Variants in CSMD1 observed in about 807,000 individuals in gnomAD.
CSMD1 encodes the protein CUB and Sushi multiple domains 1.
CSMD1 carries 213 observed loss-of-function variants against 417.5 expected under a neutral mutation model. The observed-to-expected ratio is 0.51, with a 90% confidence interval of 0.46 to 0.57. The LOEUF (loss-of-function observed/expected upper bound fraction) is 0.57. Among genes scored for constraint, CSMD1 ranks in the 20% least tolerant of loss-of-function variants. CSMD1 has a pLI of 0.00. For missense variants in CSMD1, 6,923 were observed against 4,529.7 expected (o/e 1.53, Z -15.17); for synonymous variants, 2,862 against 1,736.8 (o/e 1.65, Z -16.11).
rs1450886437 is a variant in CSMD1 at position 3,795,946 on chromosome 8, TCTATCATGTACAGATATAG to T, written c.819-41923_819-41905del. The stretch of plus-strand genomic sequence containing the variant: ...TATCTATCATGTACAGATATAGATA[TCTATCATGTACAGATATAG>T]ATATCTATCATGTACAGATATAGAT... On this transcript the variant is annotated intron_variant, in intron 5 of 69. Transcript: ENST00000635120. Among the ~76,000 whole-genome samples, 210 of 46,360 alleles carry T rather than the reference TCTATCATGTACAGATATAG, an allele frequency of 4.5e-3. 36 individuals carry two copies. Among genetic ancestry groups the T allele is most frequent in the African/African-American group, 0.012 (118 of 10,256 alleles). 30.4% of individuals were successfully genotyped at this position (46,360 alleles called of 152,430 possible).
intron 5 of CSMD1, among the ~76,000 whole-genome samples, chr8:3,910,803 G>A (rs1808409060): frequency 6.6e-6 from 1 of 152,096 alleles, no homozygotes. Flanking sequence ...AATATAACTT[G>A]TTATTGGAGA....
chr8:3,406,005 C>CG (rs942859775), intron 15 of CSMD1, 22 bp downstream of exon 15: 2 of 1,606,202 alleles, frequency 1.2e-6, no homozygotes, highest in Non-Finnish European at 1.7e-6. Context: ...AGGAGAAGAG[C>CG]GGGGGGTGGC....
chr8:3,271,395 A>G (rs1193443437), intron 26 of CSMD1, among the ~76,000 whole-genome samples: 8 of 152,028 alleles, frequency 5.3e-5, no homozygotes, highest in Non-Finnish European at 8.8e-5. Context: ...ACATACGTGT[A>G]CATGTGTCTT....
rs571720772 is a variant in CSMD1, at chr8:4,553,602, C to T, written c.302+83740G>A. On this transcript the variant is annotated intron_variant, in intron 2 of 69. Coordinates refer to ENST00000635120, the MANE Select transcript of CSMD1 (RefSeq NM_033225.6). ...CTAAATTAGATTATTTTTGATCTAG[C>T]ACTTTAGAAACCAGCTTAGCTCTAC... 7.2e-5 allele frequency among the ~76,000 whole-genome samples: 11 copies of T among 152,188 alleles called. No homozygotes were observed. The East Asian group carries it at 1.7e-3, about 24-fold the overall frequency.
chr8:4,791,391 T>A (rs1428360832), intron 1 of CSMD1, among the ~76,000 whole-genome samples: 1 of 152,184 alleles, frequency 6.6e-6, no homozygotes, highest in Admixed American at 6.6e-5. Context: ...TTCAGCCCTT[T>A]GACTCCCTGA....
chr8:3,631,984 C>G (rs1394122673), intron 7 of CSMD1, among the ~76,000 whole-genome samples: 1 of 152,178 alleles, frequency 6.6e-6, no homozygotes, highest in African/African-American at 2.4e-5. Flanking sequence ...ACACATTGTA[C>G]ACTTAGAAAT....
At position 2,950,250 on chromosome 8, in the gene CSMD1, T is replaced by A; in HGVS notation, c.10295A>T (p.Asn3432Ile). ...DIFVSKFEND[N>I]WGLDGYVSSG... ...ACTTACATAACCATCTAGTCCCCAG[T>A]TGTCATTTTCGAACTTGCTTACAAA... The change falls in exon 67 of 70, where the codon AAC becomes ATC. Residue 3432 changes from asparagine to isoleucine, a missense_variant. Asn to Ile is a moderately radical substitution (Grantham distance 149). Coordinates refer to ENST00000635120, the MANE Select transcript of CSMD1 (RefSeq NM_033225.6). 1.2e-6 allele frequency: 2 copies of A among 1,610,656 alleles called. No individual in the cohort carries two copies. The highest frequency in any genetic ancestry group is 1.7e-6 in the Non-Finnish European group (2 of 1,176,916).
At chr8:4,112,665 C>A (rs1158193580) in intron 3 of CSMD1, among the ~76,000 whole-genome samples, 1 of 152,196 alleles carries the variant, frequency 6.6e-6, no homozygotes, top group Non-Finnish European at 1.5e-5. Flanking sequence ...ATCCCACAAA[C>A]CCCAGACAAG....
At chr8:4,632,554 C>T (rs923299205) in intron 2 of CSMD1, among the ~76,000 whole-genome samples, 1 of 151,996 alleles carries the variant, frequency 6.6e-6, no homozygotes. Context: ...CGTTGGTAAT[C>T]ACAGGAGAAG....
chr8:4,067,409 C>A (rs1207324850), intron 3 of CSMD1, among the ~76,000 whole-genome samples: 3 of 152,110 alleles, frequency 2.0e-5, no homozygotes, highest in South Asian at 4.1e-4. Flanking sequence ...ATTTCCTAGA[C>A]TAATGAATAT....
At chr8:3,153,132 C>T (rs1053490098) in intron 39 of CSMD1, among the ~76,000 whole-genome samples, 2 of 152,120 alleles carry the variant, frequency 1.3e-5, no homozygotes, top group Admixed American at 6.5e-5. Context: ...GTAAAGAAAC[C>T]GGCTAAACCC....
intron 10 of CSMD1, among the ~76,000 whole-genome samples, chr8:3,507,436 G>A (rs1163432222): frequency 6.6e-6 from 1 of 152,120 alleles, no homozygotes; most frequent in Admixed American, 6.6e-5. Flanking sequence ...CCAAGTCTTT[G>A]CTATTGTGAA....
Position 4,934,162 on chromosome 8 carries a change from C to G in CSMD1, c.85+60170G>C, listed in dbSNP as rs557097118. On this transcript the variant is annotated intron_variant, in intron 1 of 69. Coordinates refer to ENST00000635120, the MANE Select transcript of CSMD1 (RefSeq NM_033225.6). ...TGGCCCAGTGACTCTGAGAAGAGGC[C>G]AGGCTAACAAGAAACAGAAGAGGCT... Among the ~76,000 whole-genome samples, 10 of 152,214 alleles carry G rather than the reference C, an allele frequency of 6.6e-5. 1 individual carries two copies. Among genetic ancestry groups the G allele is most frequent in the African/African-American group, 2.2e-4 (9 of 41,550 alleles).
At chr8:4,251,631 G>A (rs1358040486) in intron 3 of CSMD1, among the ~76,000 whole-genome samples, 3 of 152,136 alleles carry the variant, frequency 2.0e-5, no homozygotes, top group African/African-American at 7.2e-5. Context: ...TTACACACTG[G>A]CAGCTGAATC....
intron 1 of CSMD1, among the ~76,000 whole-genome samples, chr8:4,746,176 T>C (rs956606944): frequency 2.0e-5 from 3 of 152,128 alleles, no homozygotes; most frequent in African/African-American, 7.2e-5. Context: ...TCATCCAAAA[T>C]TCTTTGTCCA....
intron 1 of CSMD1, among the ~76,000 whole-genome samples, chr8:4,649,769 A>C (rs1462049793): frequency 6.6e-6 from 1 of 152,374 alleles, no homozygotes; most frequent in African/African-American, 2.4e-5. Context: ...GGCATTTCAG[A>C]AACTAATAAT....
At chr8:3,490,199 C>A (rs1049961066) in intron 11 of CSMD1, among the ~76,000 whole-genome samples, 2 of 152,118 alleles carry the variant, frequency 1.3e-5, no homozygotes, top group Admixed American at 1.3e-4. Flanking sequence ...ATTAAATGCC[C>A]AGCTGATCCC....
intron 2 of CSMD1, among the ~76,000 whole-genome samples, chr8:4,531,017 T>C (rs143699725): frequency 1.3e-5 from 2 of 152,230 alleles, no homozygotes; most frequent in Non-Finnish European, 2.9e-5. Flanking sequence ...CACCCCATCC[T>C]CTCTGCCGCT....
At chr8:3,295,896 G>T (rs1803926391) in intron 25 of CSMD1, among the ~76,000 whole-genome samples, 2 of 151,962 alleles carry the variant, frequency 1.3e-5, no homozygotes, top group African/African-American at 4.8e-5. Flanking sequence ...CATTTACTCG[G>T]CACCAAGAGT....
Sources: gnomAD v4.1 joint callset for allele counts (sites outside exome capture counted in the v4.1 genomes callset) on GRCh38, gnomAD v4.1.1 for gene constraint, MANE v1.5 for transcripts, NCBI Gene and HGNC (gene_info 2026-07-23, HGNC 2026-07-21) for gene names.